The following LRP1B variants were observed in gnomAD, a reference collection of about 807,000 sequenced individuals.
The protein encoded by LRP1B is low-density lipoprotein receptor-related protein 1B.
A neutral mutation model predicts 556.6 loss-of-function variants in LRP1B; 217 were observed. That is an observed-to-expected ratio of 0.39 (90% confidence interval 0.35 to 0.44). The LOEUF is 0.44. Ranked by LOEUF, LRP1B falls within the 20% of genes least tolerant of loss-of-function variation. The pLI, the probability that LRP1B is intolerant of heterozygous loss-of-function variation, is 1.00. For synonymous variants in LRP1B, 2,047 were observed against 1,865.8 expected (o/e 1.10, Z -2.50); for missense variants, 5,053 against 5,620.8 (o/e 0.90, Z 3.23).
At chr2:141,198,774 G>A (rs1681869534) in intron 6 of LRP1B, among the ~76,000 whole-genome samples, 1 of 152,112 alleles carries the variant, frequency 6.6e-6, no homozygotes, top group African/African-American at 2.4e-5. Context: ...AGTTTACACA[G>A]AGGTGTCTTT....
At position 140,360,022 on chromosome 2, in the gene LRP1B, T is replaced by C. The variant is rs570484189; in HGVS notation, c.11132-1076A>G. On this transcript the variant is annotated intron_variant, in intron 72 of 90. Coordinates refer to ENST00000389484, the MANE Select transcript of LRP1B (RefSeq NM_018557.3). ...AGTTACAATCAAAATAGTTTAGCTG[T>C]TTATGATCTTTTACAGAGAGATATC... 2.6e-5 allele frequency among the ~76,000 whole-genome samples: 4 copies of C among 151,708 alleles called. No individual in the cohort carries two copies. The South Asian group carries it at 8.3e-4, about 31-fold the overall frequency.
At chr2:141,733,027 C>A (rs1380908905) in intron 2 of LRP1B, among the ~76,000 whole-genome samples, 6 of 151,996 alleles carry the variant, frequency 3.9e-5, no homozygotes, top group Non-Finnish European at 7.4e-5. Context: ...CAAAGCTGTG[C>A]CTAATGTGAG....
At chr2:141,240,920 A>G (rs1573699580) in intron 5 of LRP1B, among the ~76,000 whole-genome samples, 1 of 152,102 alleles carries the variant, frequency 6.6e-6, no homozygotes, top group Non-Finnish European at 1.5e-5. Flanking sequence ...GACACATAAA[A>G]CACCATGGTT....
intron 7 of LRP1B, among the ~76,000 whole-genome samples, chr2:141,110,171 T>A (rs969361994): frequency 6.6e-6 from 1 of 152,138 alleles, no homozygotes; most frequent in Non-Finnish European, 1.5e-5. Context: ...ACAATGCACA[T>A]TCCAAATAAT....
chr2:140,613,088 T>C (rs1332176047), intron 41 of LRP1B, among the ~76,000 whole-genome samples: 17 of 151,386 alleles, frequency 1.1e-4, no homozygotes, highest in Non-Finnish European at 1.9e-4. Context: ...TCTCCATATG[T>C]AGTCAGCAGA....
At chr2:141,359,267 G>GAAAA (rs60786833) in intron 3 of LRP1B, among the ~76,000 whole-genome samples, 48 of 123,500 alleles carry the variant, frequency 3.9e-4, no homozygotes, top group African/African-American at 1.3e-3. Context: ...CAAAATAAAT[G>GAAAA]AAAAAAAAAA....
intron 41 of LRP1B, among the ~76,000 whole-genome samples, chr2:140,688,511 T>C (rs1686128066): frequency 2.0e-5 from 3 of 152,064 alleles, no homozygotes; most frequent in Admixed American, 2.0e-4. Context: ...TAGTTTAATG[T>C]ATTATTTAGG....
At chr2:140,626,167 C>T (rs1683649720) in intron 41 of LRP1B, among the ~76,000 whole-genome samples, 1 of 152,074 alleles carries the variant, frequency 6.6e-6, no homozygotes, top group African/African-American at 2.4e-5. Flanking sequence ...CCTTCTATGG[C>T]AAACCTATGG....
At chr2:141,153,944 T>A (rs10169082) in intron 7 of LRP1B, among the ~76,000 whole-genome samples, 103,877 of 151,326 alleles carry the variant, frequency 0.69, 36,133 homozygotes, top group Middle Eastern at 0.82. Context: ...ACTATTGTTA[T>A]TTGTTGGTCC....
At chr2:141,094,353 T>C (rs1285584003) in intron 7 of LRP1B, among the ~76,000 whole-genome samples, 1 of 152,220 alleles carries the variant, frequency 6.6e-6, no homozygotes, top group Non-Finnish European at 1.5e-5. Context: ...ATAACTATAT[T>C]ATTTAAAAAT....
intron 32 of LRP1B, among the ~76,000 whole-genome samples, chr2:140,777,657 G>A (rs1295063441): frequency 6.6e-6 from 1 of 151,932 alleles, no homozygotes; most frequent in Non-Finnish European, 1.5e-5. Flanking sequence ...ATAAACATAG[G>A]TGCACAAATA....
chr2:140,983,536 G>A (rs1696834326), intron 17 of LRP1B, among the ~76,000 whole-genome samples: 1 of 151,942 alleles, frequency 6.6e-6, no homozygotes, highest in South Asian at 2.1e-4. Context: ...CATGAATTAG[G>A]GCTTCAGAAA....
chr2:142,048,612 T>C (rs1171329047), intron 1 of LRP1B, among the ~76,000 whole-genome samples: 1 of 152,120 alleles, frequency 6.6e-6, no homozygotes, highest in South Asian at 2.1e-4. Flanking sequence ...TATTTACACT[T>C]GCTACTAGTC....
At chr2:140,626,041 G>A (rs1338340394) in intron 41 of LRP1B, among the ~76,000 whole-genome samples, 1 of 152,130 alleles carries the variant, frequency 6.6e-6, no homozygotes, top group African/African-American at 2.4e-5. Flanking sequence ...GCTATTCACT[G>A]CTAAGAAGAA....
At chr2:140,501,964 C>T (rs1689217304) in intron 54 of LRP1B, 90 bp from the exon 55 acceptor site, 2 of 851,396 alleles carry the variant, frequency 2.3e-6, no homozygotes, top group South Asian at 4.5e-5. Flanking sequence ...ATCATTAACT[C>T]AGGTGTCAAA....
intron 3 of LRP1B, among the ~76,000 whole-genome samples, chr2:141,359,775 G>A (rs896911419): frequency 3.4e-5 from 1 of 29,162 alleles, no homozygotes; most frequent in Admixed American, 3.3e-4. Flanking sequence ...GCCCCGCCCC[G>A]CCCCGCCCCC....
At chr2:140,986,971 T>G (rs1696945635) in intron 17 of LRP1B, among the ~76,000 whole-genome samples, 1 of 152,184 alleles carries the variant, frequency 6.6e-6, no homozygotes, top group South Asian at 2.1e-4. Context: ...GAAAGTCTTT[T>G]TATCTAGCAT....
chr2:141,408,508 T>C (rs951666459), intron 3 of LRP1B, among the ~76,000 whole-genome samples: 5 of 152,160 alleles, frequency 3.3e-5, no homozygotes, highest in African/African-American at 1.2e-4. Context: ...TCTTGAGAAG[T>C]AGTCAGAAAC....
intron 1 of LRP1B, among the ~76,000 whole-genome samples, chr2:141,892,104 T>C (rs757634981): frequency 1.1e-4 from 17 of 152,002 alleles, no homozygotes; most frequent in Non-Finnish European, 2.2e-4. Flanking sequence ...TACTAGGACA[T>C]GCTAAGTTCT....
Sources: allele counts gnomAD v4.1 joint callset (sites outside exome capture counted in the v4.1 genomes callset), GRCh38; gene constraint gnomAD v4.1.1; transcripts MANE v1.5; gene names NCBI Gene and HGNC (gene_info 2026-07-23, HGNC 2026-07-21).